Variants in ANKRD11 observed in about 807,000 individuals in gnomAD.
ANKRD11 encodes the protein ankyrin repeat domain-containing protein 11.
In ANKRD11, 17 loss-of-function variants were observed where a neutral mutation model predicts 195.7. That is an observed-to-expected ratio of 0.09 (90% CI 0.06 to 0.13). The LOEUF (loss-of-function observed/expected upper bound fraction) is 0.13. Among genes scored for constraint, ANKRD11 ranks in the 10% least tolerant of loss-of-function variants. The probability of loss-of-function intolerance (pLI) is 1.00; values close to 1 mark genes in which losing one functional copy is unlikely to be tolerated. For missense variants in ANKRD11, 3,735 were observed against 3,566.1 expected, an observed-to-expected ratio of 1.05 and a Z score of -1.21; for synonymous variants, 1,953 against 1,528.1, an observed-to-expected ratio of 1.28 and a Z score of -6.49.
intron 1 of ANKRD11, among the ~76,000 whole-genome samples, chr16:89,460,227 G>C (rs940589876): frequency 6.6e-6 from 1 of 151,980 alleles, no homozygotes; most frequent in Non-Finnish European, 1.5e-5. Context: ...AACAGACTAA[G>C]ACACCGTCTC....
chr16:89,274,607 G>A, intron 11 of ANKRD11: 3 of 715,796 alleles, frequency 4.2e-6, no homozygotes, highest in Non-Finnish European at 7.0e-6. Context: ...TGCCCGTGCG[G>A]GGAGCTGTCT....
At chr16:89,307,546 G>T (rs955277031) in intron 3 of ANKRD11, among the ~76,000 whole-genome samples, 3 of 152,184 alleles carry the variant, frequency 2.0e-5, no homozygotes, top group Non-Finnish European at 4.4e-5. Flanking sequence ...GGGAGACGGG[G>T]CCTCAGGAAC....
At chr16:89,347,505 G>A (rs2038999419) in intron 2 of ANKRD11, among the ~76,000 whole-genome samples, 1 of 151,980 alleles carries the variant, frequency 6.6e-6, no homozygotes, top group South Asian at 2.1e-4. Flanking sequence ...CAGCTACTAG[G>A]GAGGCTGAGG....
chr16:89,414,062 C>T (rs1597332828), intron 2 of ANKRD11, among the ~76,000 whole-genome samples: 5 of 152,320 alleles, frequency 3.3e-5, no homozygotes, highest in Admixed American at 3.3e-4. Context: ...GCACACCCTC[C>T]AGGATGCCAC....
chr16:89,289,067 T>C, intron 6 of ANKRD11: 1 of 314,316 alleles, frequency 3.2e-6, no homozygotes, highest in Non-Finnish European at 6.2e-6. Flanking sequence ...AAACCAAGGC[T>C]GAGAGCCTCC....
chr16:89,487,591 T>C (rs898058718), intron 1 of ANKRD11, among the ~76,000 whole-genome samples: 6 of 152,060 alleles, frequency 3.9e-5, no homozygotes, highest in Non-Finnish European at 7.4e-5. Context: ...GTGGCCAACA[T>C]GGTGAAACCC....
intron 1 of ANKRD11, among the ~76,000 whole-genome samples, chr16:89,448,809 G>A (rs138828097): frequency 2.6e-5 from 4 of 152,222 alleles, no homozygotes; most frequent in East Asian, 3.9e-4. Flanking sequence ...CCCGTCCACC[G>A]GAGCGCACGT....
At chr16:89,302,588 C>T (rs527898932) in intron 4 of ANKRD11, among the ~76,000 whole-genome samples, 1 of 152,256 alleles carries the variant, frequency 6.6e-6, no homozygotes, top group African/African-American at 2.4e-5. Flanking sequence ...GGTTAAAATG[C>T]AAGCTTCTAG....
intron 9 of ANKRD11, among the ~76,000 whole-genome samples, chr16:89,276,325 G>A (rs7192878): frequency 0.24 from 36,604 of 152,128 alleles, 4,788 homozygotes; most frequent in African/African-American, 0.33. Context: ...GCAGACGAGA[G>A]CCGTGGACAG....
intron 1 of ANKRD11, among the ~76,000 whole-genome samples, chr16:89,423,552 G>A (rs567336426): frequency 1.3e-5 from 2 of 152,344 alleles, no homozygotes; most frequent in Non-Finnish European, 2.9e-5. Flanking sequence ...CATGAGATGT[G>A]TGGTTAGAGT....
chr16:89,478,773 CA>C (rs1366821683), intron 1 of ANKRD11, among the ~76,000 whole-genome samples: 1 of 152,222 alleles, frequency 6.6e-6, no homozygotes, highest in Admixed American at 6.5e-5. Flanking sequence ...AGGCTTAATG[CA>C]AATTCCTTAT....
chr16:89,468,349 A>G lies in ANKRD11; in HGVS notation c.-145+21896T>C, dbSNP rs566604394. ...CTCCTCCAATCATGAGGTCGGGGGG[A>G]AAGTCTATTTTGCACCCCTTGAACC... On this transcript the variant is annotated intron_variant, in intron 1 of 12. Transcript: ENST00000301030. Among the ~76,000 whole-genome samples, 34 of 152,016 alleles carry G rather than the reference A, an allele frequency of 2.2e-4. No individual in the cohort carries two copies. In the South Asian group the frequency reaches 7.1e-3, roughly 32 times the overall value.
chr16:89,428,169 C>G (rs546068449), intron 1 of ANKRD11, among the ~76,000 whole-genome samples: 108 of 151,876 alleles, frequency 7.1e-4, no homozygotes, highest in African/African-American at 2.5e-3. Flanking sequence ...GATCGTGCCA[C>G]TGCACTACAG....
rs569718378 is a variant in ANKRD11 at position 89,396,123 on chromosome 16, A to G, written c.-60+22161T>C. The G allele has an allele frequency of 9.2e-5, 14 of 152,362 alleles. 1 individual carries two copies. The East Asian group carries it at 2.7e-3, about 29-fold the overall frequency. The allele number at this position is 152,362 out of a possible 1,614,324, so 9.4% of individuals were successfully genotyped here. On this transcript the variant is annotated intron_variant, in intron 2 of 12. Coordinates refer to ENST00000301030, the MANE Select transcript of ANKRD11 (RefSeq NM_013275.6). ...AGAACACCTCAACAACTTGTTGTCA[A>G]TGTGAAAATTCAAGCTTTCAAAGAT...
At chr16:89,449,442 G>A (rs902541012) in intron 1 of ANKRD11, among the ~76,000 whole-genome samples, 4 of 151,870 alleles carry the variant, frequency 2.6e-5, no homozygotes, top group South Asian at 2.1e-4. Flanking sequence ...CTGGAAATGC[G>A]TTATTTTTTT....
chr16:89,339,486 A>G (rs1487788457), intron 2 of ANKRD11, among the ~76,000 whole-genome samples: 1 of 152,252 alleles, frequency 6.6e-6, no homozygotes, highest in Non-Finnish European at 1.5e-5. Context: ...CACGCAGCGC[A>G]TGTGAAGAGT....
At chr16:89,463,808 G>C (rs2056786229) in intron 1 of ANKRD11, among the ~76,000 whole-genome samples, 1 of 104,288 alleles carries the variant, frequency 9.6e-6, no homozygotes, top group East Asian at 3.4e-4. Flanking sequence ...ACAAGCAATA[G>C]ACTGTTAAGT....
rs755642596 is a variant in ANKRD11, at chr16:89,282,803, C to T, written c.3739G>A (p.Ala1247Thr). Residue 1247 changes from alanine (A) to threonine (T), a missense_variant, in exon 9 of 13, where the codon GCT becomes ACT. Ala to Thr is a moderately conservative substitution (Grantham distance 58, BLOSUM62 0). Transcript: ENST00000301030. Reference protein sequence around the residue: ...KLPEKAEKKHAAEDKAKSKHK... With the variant: ...KLPEKAEKKHTAEDKAKSKHK... ...TTGCTTTTAGCCTTGTCTTCGGCAG[C>T]GTGCTTCTTTTCAGCCTTCTCGGGG... 7.4e-6 allele frequency: 12 copies of T among 1,611,192 alleles called. No individual in the cohort carries two copies. Among genetic ancestry groups the T allele is most frequent in the Admixed American group, 6.7e-5 (4 of 59,998 alleles).
intron 2 of ANKRD11, among the ~76,000 whole-genome samples, chr16:89,400,914 C>T (rs1467304490): frequency 6.6e-6 from 1 of 152,148 alleles, no homozygotes; most frequent in Non-Finnish European, 1.5e-5. Context: ...TCTGCAGACA[C>T]CCTCTCACAG....
Sources: allele counts gnomAD v4.1 joint callset (sites outside exome capture counted in the v4.1 genomes callset), GRCh38; gene constraint gnomAD v4.1.1; transcripts MANE v1.5; gene names NCBI Gene and HGNC (gene_info 2026-07-23, HGNC 2026-07-21).